The following NSG2 variants were observed in gnomAD, a reference collection of about 807,000 sequenced individuals.
The protein encoded by NSG2 is neuronal vesicle trafficking-associated protein 2.
In NSG2, 4 loss-of-function variants were observed where a neutral mutation model predicts 16.9. That is an observed-to-expected ratio of 0.24 (90% CI 0.12 to 0.54). The LOEUF is 0.54. Among genes scored for constraint, NSG2 ranks in the 20% least tolerant of loss-of-function variants. The probability of loss-of-function intolerance (pLI) is 0.95; values close to 1 mark genes in which losing one functional copy is unlikely to be tolerated. For synonymous variants in NSG2, 98 were observed against 88.7 expected (o/e 1.11, Z -0.59); for missense variants, 179 against 221.1 (o/e 0.81, Z 1.21).
intron 2 of NSG2, among the ~76,000 whole-genome samples, chr5:174,048,835 T>G (rs541714213): frequency 2.6e-5 from 4 of 152,138 alleles, no homozygotes; most frequent in Non-Finnish European, 5.9e-5. Flanking sequence ...TAATGCATTG[T>G]CTCTCATAGT....
intron 3 of NSG2, among the ~76,000 whole-genome samples, chr5:174,100,795 CTTGCTGGGTCCTGCA>C (rs1173164925): frequency 6.6e-6 from 1 of 152,250 alleles, no homozygotes. Context: ...CACAGGCAGG[CTTGCTGGGTCCTGCA>C]CCAGCTCCTA....
intron 3 of NSG2, among the ~76,000 whole-genome samples, chr5:174,088,127 A>AC (rs1760662590): frequency 6.6e-6 from 1 of 152,218 alleles, no homozygotes. Context: ...CATTTACTGA[A>AC]CACATACTGT....
Position 174,107,383 on chromosome 5 carries a change from T to C in NSG2, c.394T>C (p.Phe132Leu). 1 of 1,607,906 alleles carries C rather than the reference T, an allele frequency of 6.2e-7. No homozygotes were observed. The highest frequency in any genetic ancestry group is 2.2e-5 in the East Asian group (1 of 44,614). Reference protein sequence around the residue: ...SSQDPNSRSRFYTVISHYSVA... With the variant: ...SSQDPNSRSRLYTVISHYSVA... Reference sequence around the variant, plus strand: ...CCAGGACCCCAATTCCAGAAGCCGCTTCTACACAGTCATCAGCCACTACAG... The same window carrying C: ...CCAGGACCCCAATTCCAGAAGCCGCCTCTACACAGTCATCAGCCACTACAG... The change falls in exon 5 of 5, where the codon TTC (phenylalanine) becomes CTC (leucine). Residue 132 changes from phenylalanine to leucine, a missense_variant. Transcript: ENST00000303177. This position sits in a 1 kb window ranked among gnomAD's most constrained non-coding sequence, Gnocchi z 4.5.
Position 174,107,682 on chromosome 5 carries a change from G to C in NSG2, c.*177G>C. ...GGTGTGTGCTGGAGTTGTCTGAACC[G>C]ATATTTCTTTTTGTTCCTTGGTATT... is the stretch of plus-strand genomic sequence containing the variant. On this transcript the variant is annotated 3_prime_UTR_variant, in exon 5 of 5. Transcript: ENST00000303177. This position sits in a 1 kb window ranked among gnomAD's most constrained non-coding sequence, Gnocchi z 4.5. 2 of 729,276 alleles carry C rather than the reference G, an allele frequency of 2.7e-6. No individual in the cohort carries two copies. The highest frequency in any genetic ancestry group is 4.9e-6 in the Non-Finnish European group (2 of 410,092). The allele number at this position is 729,276 out of a possible 1,614,324, so 45.2% of individuals were successfully genotyped here. A position where few individuals can be genotyped will look rare whatever the true frequency, so the allele number is the denominator to read the frequency against.
chr5:174,085,279 A>G (rs1760588862), intron 3 of NSG2, among the ~76,000 whole-genome samples: 1 of 152,370 alleles, frequency 6.6e-6, no homozygotes, highest in South Asian at 2.1e-4. Flanking sequence ...AAGGAGATGC[A>G]GATAAGGAGA....
At chr5:174,063,143 T>TTA (rs1760079383) in intron 2 of NSG2, among the ~76,000 whole-genome samples, 1 of 152,202 alleles carries the variant, frequency 6.6e-6, no homozygotes, top group Admixed American at 6.5e-5. Flanking sequence ...CACTTAACTC[T>TTA]CAAAGCAACC....
intron 2 of NSG2, among the ~76,000 whole-genome samples, chr5:174,060,895 G>A (rs1285066269): frequency 6.6e-6 from 1 of 152,098 alleles, no homozygotes; most frequent in Non-Finnish European, 1.5e-5. Context: ...TGTTACCCTG[G>A]AGTTTTACAT....
At position 174,108,708 on chromosome 5, in the gene NSG2, C is replaced by T. The variant is rs1761023924; in HGVS notation, c.*1203C>T. The T allele has an allele frequency of 6.6e-6, 1 of 152,420 alleles. No homozygotes were observed. Among genetic ancestry groups the T allele is most frequent in the South Asian group, 2.1e-4 (1 of 4,834 alleles). 9.4% of individuals were successfully genotyped at this position (152,420 alleles called of 1,614,324 possible). ...GCCTCCCAGTTCCCTGGAACCGTAT[C>T]AGGCATTCGCCTGCCTCTCACAAAT... On this transcript the variant is annotated 3_prime_UTR_variant, in exon 5 of 5. Coordinates refer to ENST00000303177, the MANE Select transcript of NSG2 (RefSeq NM_015980.5).
chr5:174,076,158 C>T (rs1422508091), intron 3 of NSG2, among the ~76,000 whole-genome samples: 1 of 152,200 alleles, frequency 6.6e-6, no homozygotes, highest in Non-Finnish European at 1.5e-5. Flanking sequence ...GATGCCAGTG[C>T]CCACCAATTG....
At position 174,108,270 on chromosome 5, in the gene NSG2, T is replaced by TAA; in HGVS notation, c.*765_*766insAA. 9.6e-5 allele frequency: 15 copies of TAA among 155,606 alleles called. No individual in the cohort carries two copies. Among genetic ancestry groups the TAA allele is most frequent in the Admixed American group, 4.3e-4 (7 of 16,260 alleles). The allele number at this position is 155,606 out of a possible 1,614,324, so 9.6% of individuals were successfully genotyped here. A position where few individuals can be genotyped will look rare whatever the true frequency, so the allele number is the denominator to read the frequency against. On this transcript the variant is annotated 3_prime_UTR_variant, in exon 5 of 5. Coordinates refer to ENST00000303177, the MANE Select transcript of NSG2 (RefSeq NM_015980.5). The stretch of plus-strand genomic sequence containing the variant: ...TGGGCAGATTTTCTTTGTCTTTTGC[T>TAA]TGCATTTTCTAGATCCACACCTGGA...
At chr5:174,075,904 G>C (rs531523263) in intron 3 of NSG2, among the ~76,000 whole-genome samples, 1 of 152,326 alleles carries the variant, frequency 6.6e-6, no homozygotes, top group East Asian at 1.9e-4. Flanking sequence ...TTCCTCCTGG[G>C]GATGCTGAGC....
At chr5:174,086,078 C>T (rs1760612627) in intron 3 of NSG2, among the ~76,000 whole-genome samples, 1 of 152,070 alleles carries the variant, frequency 6.6e-6, no homozygotes, top group African/African-American at 2.4e-5. Context: ...GTTTCAGACC[C>T]GTTTAACCCC....
At chr5:174,090,690 G>C (rs1377581792) in intron 3 of NSG2, among the ~76,000 whole-genome samples, 1 of 152,216 alleles carries the variant, frequency 6.6e-6, no homozygotes, top group African/African-American at 2.4e-5. Context: ...GTGTCTGTGT[G>C]TATTTGTTCA....
intron 2 of NSG2, chr5:174,056,314 C>G (rs1253679968): frequency 6.6e-6 from 1 of 152,226 alleles, no homozygotes; most frequent in Non-Finnish European, 1.5e-5. Flanking sequence ...AAAAGATTTG[C>G]TGAGATACAG....
intron 2 of NSG2, among the ~76,000 whole-genome samples, chr5:174,053,980 A>G (rs184613844): frequency 9.9e-4 from 151 of 152,368 alleles, no homozygotes; most frequent in South Asian, 6.8e-3. Flanking sequence ...TATTTCAAGT[A>G]TGCAAAGGCC....
intron 3 of NSG2, among the ~76,000 whole-genome samples, chr5:174,080,998 T>G (rs1760454610): frequency 6.6e-6 from 1 of 152,092 alleles, no homozygotes; most frequent in Non-Finnish European, 1.5e-5. Context: ...TTTTTTTTTG[T>G]TGTTGATATT....
At chr5:174,087,509 G>A (rs577419996) in intron 3 of NSG2, among the ~76,000 whole-genome samples, 1 of 152,308 alleles carries the variant, frequency 6.6e-6, no homozygotes, top group African/African-American at 2.4e-5. Context: ...GCTGAGCATT[G>A]TGGCTCATGC....
At chr5:174,079,262 TC>T (rs778174199) in intron 3 of NSG2, among the ~76,000 whole-genome samples, 7 of 143,390 alleles carry the variant, frequency 4.9e-5, no homozygotes, top group Admixed American at 2.0e-4. Flanking sequence ...TCTCTCTCTC[TC>T]TTTTTTTTTT....
intron 4 of NSG2, among the ~76,000 whole-genome samples, chr5:174,106,569 G>A (rs1177721423): frequency 8.8e-6 from 1 of 114,278 alleles, no homozygotes; most frequent in Non-Finnish European, 1.8e-5. Flanking sequence ...CATGAATGTT[G>A]TTAGGAATGA....
Sources: gnomAD v4.1 joint callset for allele counts (sites outside exome capture counted in the v4.1 genomes callset) on GRCh38, gnomAD v4.1.1 for gene constraint, Gnocchi (gnomAD v3.1) non-coding constraint, MANE v1.5 for transcripts, NCBI Gene and HGNC (gene_info 2026-07-23, HGNC 2026-07-21) for gene names.